Variants in MARCHF1 observed in about 807,000 individuals in gnomAD.
MARCHF1 encodes E3 ubiquitin-protein ligase MARCHF1.
MARCHF1 carries 40 observed loss-of-function variants against 54.2 expected under a neutral mutation model. The observed-to-expected ratio is 0.74, with a 90% CI of 0.57 to 0.96. MARCHF1 has a LOEUF of 0.96. MARCHF1 is among the 40% of genes least tolerant of loss of function. The pLI, the probability that MARCHF1 is intolerant of heterozygous loss-of-function variation, is 0.00. For missense variants in MARCHF1, 586 were observed against 656.5 expected, an observed-to-expected ratio of 0.89 and a Z score of 1.17; for synonymous variants, 236 against 236.3, an observed-to-expected ratio of 1.00 and a Z score of 0.01.
At chr4:164,277,923 A>C (rs1195910162) in intron 1 of MARCHF1, among the ~76,000 whole-genome samples, 1 of 152,216 alleles carries the variant, frequency 6.6e-6, no homozygotes, top group African/African-American at 2.4e-5. Flanking sequence ...TGTATATAGA[A>C]AATTGGCTAA....
chr4:163,855,974 G>A (rs1749759204), intron 3 of MARCHF1, among the ~76,000 whole-genome samples: 1 of 152,226 alleles, frequency 6.6e-6, no homozygotes, highest in African/African-American at 2.4e-5. Flanking sequence ...TCAGTGCATC[G>A]ATCTATTCTA....
At chr4:164,157,659 T>C (rs981464502) in intron 1 of MARCHF1, among the ~76,000 whole-genome samples, 43 of 152,252 alleles carry the variant, frequency 2.8e-4, no homozygotes, top group African/African-American at 9.6e-4. Context: ...CTTGGATCTG[T>C]GCAAGTCCAG....
intron 2 of MARCHF1, among the ~76,000 whole-genome samples, chr4:164,001,569 G>T (rs577786250): frequency 7.2e-4 from 109 of 151,962 alleles, no homozygotes; most frequent in African/African-American, 2.5e-3. Context: ...TTGTACAATA[G>T]GCAGCACAGA....
chr4:164,254,808 T>G (rs368628979), intron 1 of MARCHF1, among the ~76,000 whole-genome samples: 5 of 152,286 alleles, frequency 3.3e-5, no homozygotes, highest in East Asian at 1.9e-4. Flanking sequence ...GGAAGCTGAT[T>G]AGGTTGTGCC....
chr4:164,148,106 C>T (rs1729814307), intron 1 of MARCHF1, among the ~76,000 whole-genome samples: 1 of 151,220 alleles, frequency 6.6e-6, no homozygotes, highest in Non-Finnish European at 1.5e-5. Context: ...AATAGCTCTC[C>T]AGTTGTGATG....
rs72399012 is a variant in MARCHF1 at position 163,894,629 on chromosome 4, CAT to C, written c.-38-40462_-38-40461del. On this transcript the variant is annotated intron_variant, in intron 3 of 9. Transcript: ENST00000514618. ...TGCATATATATATATGCATGTGATG[CAT>C]ATATATATATGCATGTGATGCATAT... 3.2e-3 allele frequency among the ~76,000 whole-genome samples: 315 copies of C among 98,884 alleles called. 2 individuals are homozygous for C. The highest frequency in any genetic ancestry group is 6.6e-3 in the South Asian group (17 of 2,570). The allele number at this position is 98,884 out of a possible 152,430, so 64.9% of individuals were successfully genotyped here. A position where few individuals can be genotyped will look rare whatever the true frequency, so the allele number is the denominator to read the frequency against.
At chr4:163,592,549 A>G (rs1328675874) in intron 7 of MARCHF1, among the ~76,000 whole-genome samples, 1 of 151,900 alleles carries the variant, frequency 6.6e-6, no homozygotes, top group Non-Finnish European at 1.5e-5. Flanking sequence ...CATCACACTG[A>G]TGGAAAACAG....
intron 4 of MARCHF1, among the ~76,000 whole-genome samples, chr4:163,832,513 C>G (rs1749054978): frequency 6.6e-6 from 1 of 151,866 alleles, no homozygotes. Flanking sequence ...CTAGAAAGGT[C>G]TAGTAAAAAC....
chr4:163,751,741 T>C lies in MARCHF1; in HGVS notation c.112-50878A>G, dbSNP rs909928011. On this transcript the variant is annotated intron_variant, in intron 4 of 9. Coordinates refer to ENST00000514618, the MANE Select transcript of MARCHF1 (RefSeq NM_001394959.1). ...GACTGAAAGACACAATATTGAAGGA[T>C]GTCACTTCTCCTCAAGTAGGTATTT... is the stretch of plus-strand genomic sequence containing the variant. Among the ~76,000 whole-genome samples the C allele has an allele frequency of 3.3e-5, 5 of 152,094 alleles. No individual in the cohort carries two copies. In the East Asian group the frequency reaches 5.8e-4, roughly 18 times the overall value.
At chr4:164,202,047 T>C (rs931286058) in intron 1 of MARCHF1, among the ~76,000 whole-genome samples, 2 of 152,222 alleles carry the variant, frequency 1.3e-5, no homozygotes, top group African/African-American at 2.4e-5. Flanking sequence ...AATGAAAATA[T>C]ATCAGCTCTG....
intron 4 of MARCHF1, among the ~76,000 whole-genome samples, chr4:163,735,064 T>C (rs1443805004): frequency 6.6e-6 from 1 of 152,166 alleles, no homozygotes; most frequent in Non-Finnish European, 1.5e-5. Flanking sequence ...AAAACACTTG[T>C]TATTCTCTCA....
At chr4:164,362,684 A>C (rs746187994) in intron 1 of MARCHF1, among the ~76,000 whole-genome samples, 4 of 152,210 alleles carry the variant, frequency 2.6e-5, no homozygotes, top group Non-Finnish European at 5.9e-5. Flanking sequence ...AGCAAAGAAA[A>C]TAACAGATAC....
intron 2 of MARCHF1, among the ~76,000 whole-genome samples, chr4:164,055,722 T>G: frequency 6.6e-6 from 1 of 152,356 alleles, no homozygotes; most frequent in South Asian, 2.1e-4. Flanking sequence ...GGACCATTGC[T>G]TGATTAAATT....
At chr4:164,111,517 G>A (rs1755833057) in intron 2 of MARCHF1, 71 bp downstream of exon 2, 1 of 151,648 alleles carries the variant, frequency 6.6e-6, no homozygotes, top group African/African-American at 2.4e-5. Context: ...AATTCCAAAT[G>A]AGAAAAGGGA....
chr4:163,656,547 T>C (rs1376743330), intron 5 of MARCHF1, among the ~76,000 whole-genome samples: 1 of 152,066 alleles, frequency 6.6e-6, no homozygotes, highest in Non-Finnish European at 1.5e-5. Flanking sequence ...CCTCCTTAAC[T>C]CATTTTATGA....
rs567208009 is a variant in MARCHF1, at chr4:163,912,342, T to A, written c.-38-58173A>T. Among the ~76,000 whole-genome samples, 6 of 152,128 alleles carry A rather than the reference T, an allele frequency of 3.9e-5. No homozygotes were observed. The East Asian group carries it at 1.2e-3, about 29-fold the overall frequency. ...GACAAGGAGCTGCCTTTCAAAGGGA[T>A]CTGAGTCAAGGAAAATAAAAAAAGT... On this transcript the variant is annotated intron_variant, in intron 3 of 9. Coordinates refer to ENST00000514618, the MANE Select transcript of MARCHF1 (RefSeq NM_001394959.1).
chr4:163,983,472 T>C (rs1752800604), intron 3 of MARCHF1, among the ~76,000 whole-genome samples: 1 of 152,202 alleles, frequency 6.6e-6, no homozygotes. Context: ...GCACCCAATG[T>C]ATATTCCATC....
intron 3 of MARCHF1, among the ~76,000 whole-genome samples, chr4:163,926,146 A>T (rs1751531742): frequency 6.6e-6 from 1 of 151,708 alleles, no homozygotes; most frequent in Admixed American, 6.6e-5. Flanking sequence ...CAGAACATCC[A>T]GTTAACAACC....
chr4:163,724,877 A>G (rs148463073), intron 4 of MARCHF1, among the ~76,000 whole-genome samples: 2,463 of 152,238 alleles, frequency 0.016, 70 homozygotes, highest in African/African-American at 0.057. Flanking sequence ...TTAGGGTGGG[A>G]GTGACCCGAT....
Sources: allele counts gnomAD v4.1 joint callset (sites outside exome capture counted in the v4.1 genomes callset), GRCh38; gene constraint gnomAD v4.1.1; transcripts MANE v1.5; gene names NCBI Gene and HGNC (gene_info 2026-07-23, HGNC 2026-07-21).